The following SLC2A12 variants were observed in gnomAD, a reference collection of about 807,000 sequenced individuals.
SLC2A12 encodes the protein solute carrier family 2 member 12.
A neutral mutation model predicts 41.8 loss-of-function variants in SLC2A12; 23 were observed. The observed-to-expected ratio is 0.55, with a 90% CI of 0.40 to 0.78. The LOEUF (loss-of-function observed/expected upper bound fraction) is 0.78. Among genes scored for constraint, SLC2A12 ranks in the 30% least tolerant of loss-of-function variants. SLC2A12 has a pLI of 0.00. For synonymous variants in SLC2A12, 295 were observed against 285.9 expected (o/e 1.03, Z -0.32); for missense variants, 654 against 745.6 (o/e 0.88, Z 1.43).
At chr6:134,016,369 G>A (rs1776962710) in intron 2 of SLC2A12, among the ~76,000 whole-genome samples, 1 of 152,110 alleles carries the variant, frequency 6.6e-6, no homozygotes, top group African/African-American at 2.4e-5. Context: ...TATGAAAAAT[G>A]TGGGTTTGCT....
chr6:134,019,041 G>A (rs1292832775), intron 2 of SLC2A12, among the ~76,000 whole-genome samples: 1 of 152,206 alleles, frequency 6.6e-6, no homozygotes, highest in African/African-American at 2.4e-5. Context: ...AAAGGTAGCT[G>A]AAGGATGACA....
chr6:134,003,171 T>C (rs748591052), intron 3 of SLC2A12, among the ~76,000 whole-genome samples: 12 of 152,198 alleles, frequency 7.9e-5, no homozygotes, highest in Non-Finnish European at 1.2e-4. Flanking sequence ...GCATAGTAAC[T>C]ACTTGTCGGT....
chr6:134,040,063 T>TTG (rs1777361093), intron 1 of SLC2A12, among the ~76,000 whole-genome samples: 1 of 149,270 alleles, frequency 6.7e-6, no homozygotes, highest in Non-Finnish European at 1.5e-5. Context: ...TTTTTGTTTT[T>TTG]TTTTTTTTGT....
At chr6:133,995,391 G>A (rs1340794455) in intron 4 of SLC2A12, among the ~76,000 whole-genome samples, 4 of 152,046 alleles carry the variant, frequency 2.6e-5, no homozygotes, top group Admixed American at 6.5e-5. Context: ...TCCTACATAG[G>A]CCCTGGAGGA....
At chr6:134,002,194 A>G in intron 3 of SLC2A12, 65 bp from the exon 4 acceptor site, 2 of 1,540,554 alleles carry the variant, frequency 1.3e-6, no homozygotes, top group Non-Finnish European at 1.7e-6. Flanking sequence ...ATTTGTGAAC[A>G]GCCACTTAGG....
Position 133,991,065 on chromosome 6 carries a change from A to G in SLC2A12, c.*90T>C, listed in dbSNP as rs966260810. 1.4e-6 allele frequency: 2 copies of G among 1,416,442 alleles called. No homozygotes were observed. Among genetic ancestry groups the G allele is most frequent in the Non-Finnish European group, 1.9e-6 (2 of 1,053,412 alleles). The allele number at this position is 1,416,442 out of a possible 1,614,324, so 87.7% of individuals were successfully genotyped here. A position where few individuals can be genotyped will look rare whatever the true frequency, so the allele number is the denominator to read the frequency against. On this transcript the variant is annotated 3_prime_UTR_variant, in exon 5 of 5. Coordinates refer to ENST00000275230, the MANE Select transcript of SLC2A12 (RefSeq NM_145176.3). ...CAAAACCAGTTCCATGACACTGAAA[A>G]GAGAGCACAGGAGTCGCAACTATGC...
At chr6:134,040,853 A>C (rs1284154374) in intron 1 of SLC2A12, among the ~76,000 whole-genome samples, 1 of 152,194 alleles carries the variant, frequency 6.6e-6, no homozygotes, top group Non-Finnish European at 1.5e-5. Context: ...CCCATGTAGG[A>C]AAAGTAGAAA....
rs1413390648 is a variant in SLC2A12, at chr6:133,991,117, G to A, written c.*38C>T. On this transcript the variant is annotated 3_prime_UTR_variant, in exon 5 of 5. Transcript: ENST00000275230. The stretch of plus-strand genomic sequence containing the variant: ...TTGGTCCAAAGACACCCTCCTAAGT[G>A]TTCTGGCACTATCCACGTTCAGAAG... The A allele has an allele frequency of 6.9e-6, 11 of 1,592,234 alleles. No homozygotes were observed. Among genetic ancestry groups the A allele is most frequent in the Non-Finnish European group, 9.4e-6 (11 of 1,172,046 alleles).
chr6:134,021,779 T>C (rs1346825376), intron 2 of SLC2A12, among the ~76,000 whole-genome samples: 3 of 152,186 alleles, frequency 2.0e-5, no homozygotes, highest in Admixed American at 2.0e-4. Flanking sequence ...ACACTAGTAG[T>C]TCATACAAAT....
intron 2 of SLC2A12, among the ~76,000 whole-genome samples, chr6:134,017,682 C>A (rs921086432): frequency 6.6e-6 from 1 of 151,976 alleles, no homozygotes; most frequent in African/African-American, 2.4e-5. Flanking sequence ...GAAACCCTGT[C>A]TCTACTAAAA....
rs1408542881 is a variant in SLC2A12 at position 133,990,511 on chromosome 6, C to T, written c.*644G>A. The T allele has an allele frequency of 6.6e-6, 1 of 152,422 alleles. No homozygotes were observed. The highest frequency in any genetic ancestry group is 1.5e-5 in the Non-Finnish European group (1 of 68,010). 9.4% of individuals were successfully genotyped at this position (152,422 alleles called of 1,614,324 possible). A position where few individuals can be genotyped will look rare whatever the true frequency, so the allele number is the denominator to read the frequency against. On this transcript the variant is annotated 3_prime_UTR_variant, in exon 5 of 5. Transcript: ENST00000275230. ...CTATTGTGGAATTATTTTAATATTT[C>T]ACAATATTAACATGAAATTCATAAA... is the stretch of plus-strand genomic sequence containing the variant.
rs1401768136 is a variant in SLC2A12, at chr6:133,988,002, T to C, written c.*3153A>G. The stretch of plus-strand genomic sequence containing the variant: ...AGTTGTAGAGAAGTGATTGAGGTTC[T>C]TGACTTTAATCTTGGGTTGATGCCC... On this transcript the variant is annotated 3_prime_UTR_variant, in exon 5 of 5. Transcript: ENST00000275230. The C allele has an allele frequency of 6.6e-6, 1 of 152,178 alleles. No individual in the cohort carries two copies. 9.4% of individuals were successfully genotyped at this position (152,178 alleles called of 1,614,324 possible).
rs1266731657 is a variant in SLC2A12, at chr6:133,989,170, G to C, written c.*1985C>G. ...GTGAGTGCTCTGATGTCTTCTGCTG[G>C]CTCTCCATAAGTACTGTAAATTTTT... On this transcript the variant is annotated 3_prime_UTR_variant, in exon 5 of 5. Transcript: ENST00000275230. 1.3e-5 allele frequency: 2 copies of C among 152,072 alleles called. No individual in the cohort carries two copies. Among genetic ancestry groups the C allele is most frequent in the African/African-American group, 4.8e-5 (2 of 41,404 alleles). The allele number at this position is 152,072 out of a possible 1,614,324, so 9.4% of individuals were successfully genotyped here.
rs1239579095 is a variant in SLC2A12 at position 133,987,734 on chromosome 6, G to A, written c.*3421C>T. On this transcript the variant is annotated 3_prime_UTR_variant, in exon 5 of 5. Transcript: ENST00000275230. ...ATAACAAATAGGAATTTTTTTTCTT[G>A]CAGATTAGAAATAAAAACGTGTATA... The A allele has an allele frequency of 6.6e-6, 1 of 150,420 alleles. No homozygotes were observed. Among genetic ancestry groups the A allele is most frequent in the Non-Finnish European group, 1.5e-5 (1 of 67,526 alleles). The allele number at this position is 150,420 out of a possible 1,614,324, so 9.3% of individuals were successfully genotyped here.
intron 1 of SLC2A12, among the ~76,000 whole-genome samples, chr6:134,032,460 ATATATT>A (rs1777229862): frequency 2.8e-5 from 1 of 36,000 alleles, no homozygotes; most frequent in African/African-American, 1.2e-4. Context: ...ATATATATAT[ATATATT>A]TTTATATATA....
intron 2 of SLC2A12, among the ~76,000 whole-genome samples, chr6:134,009,800 A>G (rs1272386047): frequency 6.6e-6 from 1 of 152,046 alleles, no homozygotes; most frequent in African/African-American, 2.4e-5. Context: ...AGCTATGATC[A>G]TACCACTGCA....
Position 134,028,704 on chromosome 6 carries a change from T to G in SLC2A12, c.1121A>C (p.His374Pro). 1 of 1,614,178 alleles carries G rather than the reference T, an allele frequency of 6.2e-7. No homozygotes were observed. The highest frequency in any genetic ancestry group is 8.5e-7 in the Non-Finnish European group (1 of 1,180,022). The change falls in exon 2 of 5, where the codon CAT becomes CCT. Residue 374 changes from histidine to proline, a missense_variant. By Grantham distance (77) the His-to-Pro change is moderately conservative. Around this residue, in one of 3 missense-constraint regions of SLC2A12, gnomAD observed 411 missense variants for 412.1 expected, o/e 1.00. Coordinates refer to ENST00000275230, the MANE Select transcript of SLC2A12 (RefSeq NM_145176.3). The stretch of plus-strand genomic sequence containing the variant: ...GATAGAATTGTGGCTTCTGCAGATA[T>G]GGGTGAAGTTCATGTGGATGTTGAG... ...VNLNIHMNFT[H>P]ICRSHNSINQ...
chr6:134,034,623 C>A (rs1478343034), intron 1 of SLC2A12, among the ~76,000 whole-genome samples: 3 of 152,092 alleles, frequency 2.0e-5, no homozygotes, highest in East Asian at 1.9e-4. Context: ...AGTAGAGATA[C>A]CTTTTTCTAA....
At chr6:134,044,551 T>C (rs1777429632) in intron 1 of SLC2A12, among the ~76,000 whole-genome samples, 1 of 151,844 alleles carries the variant, frequency 6.6e-6, no homozygotes, top group African/African-American at 2.4e-5. Flanking sequence ...CCATCTCTAC[T>C]AAAAATACAA....
Sources: allele counts gnomAD v4.1 joint callset (sites outside exome capture counted in the v4.1 genomes callset), GRCh38; gene constraint gnomAD v4.1.1; regional missense constraint gnomAD v4.1.1; transcripts MANE v1.5; gene names NCBI Gene and HGNC (gene_info 2026-07-23, HGNC 2026-07-21).